FAM117B: variants seen among roughly 807,000 people sequenced by gnomAD.
FAM117B encodes the protein family with sequence similarity 117 member B.
Under a neutral mutation model 52.8 loss-of-function variants are expected in FAM117B, and 22 were observed. That is an observed-to-expected ratio of 0.42 (90% CI 0.30 to 0.59). FAM117B has a LOEUF of 0.59. FAM117B is among the 20% of genes least tolerant of loss of function. The pLI is 0.22. For synonymous variants in FAM117B, 309 were observed against 324.1 expected (o/e 0.95, Z 0.50); for missense variants, 678 against 802.6 (o/e 0.84, Z 1.88).
intron 7 of FAM117B, among the ~76,000 whole-genome samples, chr2:202,763,532 T>C (rs956815230): frequency 2.0e-5 from 3 of 152,140 alleles, no homozygotes; most frequent in African/African-American, 7.2e-5. Context: ...CAAAGGAAAA[T>C]TTAAGGCATT....
intron 4 of FAM117B, among the ~76,000 whole-genome samples, chr2:202,739,923 G>A (rs1053263327): frequency 4.6e-5 from 7 of 151,918 alleles, no homozygotes; most frequent in African/African-American, 1.7e-4. Flanking sequence ...TGTAATCTCA[G>A]CACTTTGGGA....
intron 2 of FAM117B, among the ~76,000 whole-genome samples, chr2:202,704,895 G>A (rs1272370140): frequency 2.0e-5 from 3 of 152,120 alleles, no homozygotes; most frequent in Admixed American, 6.5e-5. Flanking sequence ...GAGCCAGTGC[G>A]CCTGGCCTGA....
At chr2:202,740,359 CAA>C (rs769846441) in intron 4 of FAM117B, among the ~76,000 whole-genome samples, 2,105 of 65,456 alleles carry the variant, frequency 0.032, 41 homozygotes, top group African/African-American at 0.1. Flanking sequence ...GACTCTGCCT[CAA>C]AAAAAAAAAA....
At chr2:202,680,245 AGAAG>A (rs1490268972) in intron 1 of FAM117B, among the ~76,000 whole-genome samples, 5 of 152,282 alleles carry the variant, frequency 3.3e-5, no homozygotes, top group Non-Finnish European at 7.4e-5. Context: ...CAGAAGAAGA[AGAAG>A]GAAGAGCCAC....
intron 2 of FAM117B, among the ~76,000 whole-genome samples, chr2:202,719,065 A>G (rs796225614): frequency 8.5e-5 from 13 of 152,328 alleles, no homozygotes; most frequent in African/African-American, 2.4e-4. Flanking sequence ...ACAAAATGAA[A>G]ACATTTAATT....
At chr2:202,761,305 A>T (rs1025727546) in intron 7 of FAM117B, among the ~76,000 whole-genome samples, 1 of 152,188 alleles carries the variant, frequency 6.6e-6, no homozygotes, top group Non-Finnish European at 1.5e-5. Flanking sequence ...TTAAGAAATG[A>T]CTTTAAATAT....
At chr2:202,762,865 A>C (rs1691916366) in intron 7 of FAM117B, among the ~76,000 whole-genome samples, 1 of 151,946 alleles carries the variant, frequency 6.6e-6, no homozygotes, top group African/African-American at 2.4e-5. Flanking sequence ...GATCAGTTAG[A>C]CAAGTTATTA....
intron 1 of FAM117B, among the ~76,000 whole-genome samples, chr2:202,692,294 A>T (rs1386236137): frequency 6.6e-6 from 1 of 152,226 alleles, no homozygotes; most frequent in African/African-American, 2.4e-5. Flanking sequence ...AGCTAAGCTC[A>T]TCCCCTTCCC....
In FAM117B at chr2:202,641,645, T is replaced by C. The variant is rs944424618; in HGVS notation, c.601+5857T>C. 9.3e-5 allele frequency among the ~76,000 whole-genome samples: 14 copies of C among 151,000 alleles called. 1 individual carries two copies. The East Asian group carries it at 1.3e-3, about 15-fold the overall frequency. On this transcript the variant is annotated intron_variant, in intron 1 of 7. Transcript: ENST00000392238. The stretch of plus-strand genomic sequence containing the variant: ...CAATATTAGATATTTTATTTTCTTT[T>C]TTTTTTTTTTTGAGATGGAGTTTCA...
chr2:202,677,129 G>A (rs1398166834), intron 1 of FAM117B, among the ~76,000 whole-genome samples: 2 of 150,358 alleles, frequency 1.3e-5, no homozygotes, highest in South Asian at 2.1e-4. Context: ...GTACAGTGGC[G>A]CAATCTCGGC....
intron 4 of FAM117B, among the ~76,000 whole-genome samples, chr2:202,751,464 C>T (rs1691720314): frequency 6.6e-6 from 1 of 152,112 alleles, no homozygotes; most frequent in African/African-American, 2.4e-5. Context: ...TGGCTAAGAT[C>T]TTCCTCAAAA....
chr2:202,756,956 A>C (rs1304646905), intron 5 of FAM117B, among the ~76,000 whole-genome samples: 1 of 152,086 alleles, frequency 6.6e-6, no homozygotes, highest in Non-Finnish European at 1.5e-5. Context: ...GATTCAGTAC[A>C]ATTCATTTAT....
At chr2:202,644,064 G>C (rs80153918) in intron 1 of FAM117B, among the ~76,000 whole-genome samples, 1 of 95,138 alleles carries the variant, frequency 1.1e-5, no homozygotes, top group Non-Finnish European at 1.9e-5. Context: ...TTTTTTTTTT[G>C]TTTTTTTTTT....
intron 1 of FAM117B, among the ~76,000 whole-genome samples, chr2:202,655,761 A>AGAGAGTGAGAGAGAGT (rs1690046684): frequency 1.0e-5 from 1 of 100,374 alleles, no homozygotes; most frequent in African/African-American, 3.4e-5. Flanking sequence ...AGAGAGAGAG[A>AGAGAGTGAGAGAGAGT]GTGTGTGTGT....
At chr2:202,685,431 G>A (rs1299318974) in intron 1 of FAM117B, among the ~76,000 whole-genome samples, 2 of 152,148 alleles carry the variant, frequency 1.3e-5, no homozygotes, top group Non-Finnish European at 2.9e-5. Flanking sequence ...TAAGCCTGCA[G>A]TTAACATCAT....
chr2:202,712,320 G>A (rs535389010), intron 2 of FAM117B, among the ~76,000 whole-genome samples: 8 of 150,708 alleles, frequency 5.3e-5, no homozygotes, highest in African/African-American at 1.9e-4. Flanking sequence ...TTACTTTGCT[G>A]ATTTCTTTTT....
chr2:202,650,454 C>T (rs1021342031), intron 1 of FAM117B, among the ~76,000 whole-genome samples: 1 of 151,752 alleles, frequency 6.6e-6, no homozygotes, highest in African/African-American at 2.4e-5. Context: ...AAAATTTGGA[C>T]GATAAAGGAA....
intron 1 of FAM117B, among the ~76,000 whole-genome samples, chr2:202,647,991 A>T (rs923710873): frequency 6.6e-6 from 1 of 152,042 alleles, no homozygotes; most frequent in Non-Finnish European, 1.5e-5. Context: ...TAACTCTGTA[A>T]TTGTATGGTT....
intron 1 of FAM117B, among the ~76,000 whole-genome samples, chr2:202,656,029 T>G (rs1381303090): frequency 6.6e-6 from 1 of 152,162 alleles, no homozygotes; most frequent in African/African-American, 2.4e-5. Context: ...GACATGCAGT[T>G]GTGGTATTTC....
Sources: allele counts gnomAD v4.1 joint callset (sites outside exome capture counted in the v4.1 genomes callset), GRCh38; gene constraint gnomAD v4.1.1; transcripts MANE v1.5; gene names NCBI Gene and HGNC (gene_info 2026-07-23, HGNC 2026-07-21).